Variants in KLHL5 observed in about 807,000 individuals in gnomAD.
The protein encoded by KLHL5 is kelch-like protein 5.
In KLHL5, 48 loss-of-function variants were observed where a neutral mutation model predicts 77.7. The ratio of observed to expected loss-of-function variants is 0.62; its 90% CI spans 0.49 to 0.79. The LOEUF is 0.79. KLHL5 is among the 30% of genes least tolerant of loss of function. KLHL5 has a pLI of 0.00. For missense variants in KLHL5, 723 were observed against 859.7 expected, an observed-to-expected ratio of 0.84 and a Z score of 1.99; for synonymous variants, 260 against 297.0, an observed-to-expected ratio of 0.88 and a Z score of 1.28.
intron 1 of KLHL5, among the ~76,000 whole-genome samples, chr4:39,074,487 ACTTT>A: frequency 6.6e-6 from 1 of 152,352 alleles, no homozygotes; most frequent in Admixed American, 6.5e-5. Flanking sequence ...GTTCTTAGCC[ACTTT>A]AAGGTGAACT....
chr4:39,103,119 TG>T (rs1410069509), intron 6 of KLHL5, among the ~76,000 whole-genome samples, 167 bp from the exon 7 acceptor site: 4 of 152,186 alleles, frequency 2.6e-5, no homozygotes, highest in Non-Finnish European at 4.4e-5. Flanking sequence ...TAGTAGGAGA[TG>T]AGGACACAGA....
chr4:39,131,323 G>A (rs1386330427), downstream of KLHL5, among the ~76,000 whole-genome samples: 4 of 152,194 alleles, frequency 2.6e-5, no homozygotes, highest in East Asian at 5.8e-4. Flanking sequence ...TACCAAATCA[G>A]TGAGGCTGAC....
At chr4:39,051,713 AC>A (rs1401923885) in intron 1 of KLHL5, among the ~76,000 whole-genome samples, 4 of 9,104 alleles carry the variant, frequency 4.4e-4, no homozygotes, top group Non-Finnish European at 4.7e-4. Flanking sequence ...AAAAGAAAAA[AC>A]AAACAAACAA....
rs1723533786 is a variant in KLHL5, at chr4:39,126,185, CTT to C, written c.*5120_*5121del. 6.6e-6 allele frequency among the ~76,000 whole-genome samples: 1 copy of C among 152,092 alleles called. No individual in the cohort carries two copies. The highest frequency in any genetic ancestry group is 6.6e-5 in the Admixed American group (1 of 15,262). On this transcript the variant is annotated 3_prime_UTR_variant, in exon 11 of 11. Coordinates refer to ENST00000504108, the MANE Select transcript of KLHL5 (RefSeq NM_015990.5). Reference sequence around the variant, plus strand: ...GTAATATTTGAAATTATTGATAACTCTTACACAAAAACAAATATTCAATAAAA... The same window carrying C: ...GTAATATTTGAAATTATTGATAACTCACACAAAAACAAATATTCAATAAAA...
chr4:39,059,313 G>A (rs1293784119), upstream of KLHL5, among the ~76,000 whole-genome samples: 1 of 151,686 alleles, frequency 6.6e-6, no homozygotes, highest in Non-Finnish European at 1.5e-5. Context: ...AAAAAAAAAG[G>A]GGCCTAAATA....
intron 10 of KLHL5, chr4:39,120,320 T>C (rs1327995323): frequency 6.6e-6 from 1 of 152,156 alleles, no homozygotes; most frequent in East Asian, 1.9e-4. Flanking sequence ...GATTTAAGAA[T>C]TGTTCTTTAT....
At chr4:39,084,069 C>T (rs1056147530) in intron 4 of KLHL5, among the ~76,000 whole-genome samples, 1 of 152,116 alleles carries the variant, frequency 6.6e-6, no homozygotes, top group African/African-American at 2.4e-5. Flanking sequence ...AAATAAATCC[C>T]TCCGTAATTT....
At chr4:39,098,987 GTTA>G (rs1315151755) in intron 6 of KLHL5, among the ~76,000 whole-genome samples, 2 of 151,960 alleles carry the variant, frequency 1.3e-5, no homozygotes, top group East Asian at 1.9e-4. Flanking sequence ...ACTCTCACAA[GTTA>G]TTATTAATAT....
chr4:39,059,169 A>G (rs1318336468), upstream of KLHL5, among the ~76,000 whole-genome samples: 2 of 152,142 alleles, frequency 1.3e-5, no homozygotes, highest in Non-Finnish European at 2.9e-5. Flanking sequence ...CAGAAAAAAA[A>G]GTGTTATTTA....
chr4:39,053,888 A>G (rs1195963577), intron 1 of KLHL5, among the ~76,000 whole-genome samples: 2 of 152,194 alleles, frequency 1.3e-5, no homozygotes, highest in African/African-American at 4.8e-5. Flanking sequence ...AGTACTTTGT[A>G]AGAAACAGCA....
At position 39,085,875 on chromosome 4, in the gene KLHL5, A is replaced by T. The variant is rs111469574; in HGVS notation, c.901-640A>T. 5.6e-3 allele frequency among the ~76,000 whole-genome samples: 860 copies of T among 152,292 alleles called. 3 individuals carry two copies. Among genetic ancestry groups the T allele is most frequent in the African/African-American group, 0.02 (822 of 41,540 alleles). On this transcript the variant is annotated intron_variant, in intron 4 of 10. Transcript: ENST00000504108. ...AAATTTAAAAACAGACCCTTAAAAG[A>T]GATTAAAAATTCGAAAACAGACCCA...
chr4:39,131,358 A>G (rs1016667063), downstream of KLHL5, among the ~76,000 whole-genome samples: 7 of 152,202 alleles, frequency 4.6e-5, no homozygotes, highest in African/African-American at 1.7e-4. Flanking sequence ...TGTAAAAGAA[A>G]TGGAATATTT....
At chr4:39,076,781 T>G (rs1288259778) in intron 2 of KLHL5, among the ~76,000 whole-genome samples, 3 of 151,028 alleles carry the variant, frequency 2.0e-5, no homozygotes, top group Non-Finnish European at 3.0e-5. Flanking sequence ...CAAAACTAAT[T>G]GACACTGTGT....
At chr4:39,142,711 G>A in the KLHL5 span, among the ~76,000 whole-genome samples, 1 of 150,218 alleles carries the variant, frequency 6.7e-6, no homozygotes, top group African/African-American at 2.5e-5. Flanking sequence ...CATGGAATAC[G>A]ATCCAGCCAT....
chr4:39,098,865 C>A (rs1388217687), intron 6 of KLHL5, among the ~76,000 whole-genome samples: 2 of 151,636 alleles, frequency 1.3e-5, no homozygotes, highest in African/African-American at 4.9e-5. Flanking sequence ...TGCCCGGCCA[C>A]AACTTACTCT....
chr4:39,066,774 T>G (rs1717925554), intron 1 of KLHL5, among the ~76,000 whole-genome samples: 1 of 152,204 alleles, frequency 6.6e-6, no homozygotes, highest in Admixed American at 6.5e-5. Context: ...ATTAACTCAT[T>G]TAGTCTTCAC....
At chr4:39,109,537 G>A (rs1355215057) in intron 8 of KLHL5, among the ~76,000 whole-genome samples, 1 of 152,022 alleles carries the variant, frequency 6.6e-6, no homozygotes, top group Non-Finnish European at 1.5e-5. Flanking sequence ...GACCTCAGGT[G>A]ATCCACCCAC....
chr4:39,077,234 A>C (rs1417951209), intron 2 of KLHL5, among the ~76,000 whole-genome samples: 2 of 152,016 alleles, frequency 1.3e-5, no homozygotes, highest in Non-Finnish European at 2.9e-5. Context: ...TGAGGCAGGC[A>C]GATCACGAGG....
intron 1 of KLHL5, among the ~76,000 whole-genome samples, chr4:39,054,838 G>A (rs1349721919): frequency 6.6e-6 from 1 of 152,180 alleles, no homozygotes; most frequent in Non-Finnish European, 1.5e-5. Context: ...TGGGTAAGCA[G>A]GCAGCTCCAT....
Sources: gnomAD v4.1 joint callset for allele counts (sites outside exome capture counted in the v4.1 genomes callset) on GRCh38, gnomAD v4.1.1 for gene constraint, MANE v1.5 for transcripts, NCBI Gene and HGNC (gene_info 2026-07-23, HGNC 2026-07-21) for gene names.